Variants in TTC21B observed in about 807,000 individuals in gnomAD.
The protein encoded by TTC21B is tetratricopeptide repeat protein 21B.
A neutral mutation model predicts 175.1 loss-of-function variants in TTC21B; 127 were observed. The observed-to-expected ratio is 0.73, with a 90% confidence interval of 0.63 to 0.84. TTC21B has a LOEUF of 0.84. Among genes scored for constraint, TTC21B ranks in the 40% least tolerant of loss-of-function variants. TTC21B has a pLI of 0.00. For missense variants in TTC21B, 1,561 were observed against 1,558.3 expected, an observed-to-expected ratio of 1.00 and a Z score of -0.03; for synonymous variants, 524 against 524.5, an observed-to-expected ratio of 1.00 and a Z score of 0.01.
rs755805540 is a variant in TTC21B at position 165,917,385 on chromosome 2, T to G, written c.1771A>C (p.Ser591Arg). Reference sequence around the variant, plus strand: ...CCAATTCTTTTCATTCCTGGTAAACTCATTGCCATATGCAGTGTTTTAATT... The same window carrying G: ...CCAATTCTTTTCATTCCTGGTAAACGCATTGCCATATGCAGTGTTTTAATT... The part of the protein sequence containing the change: ...DAIKTLHMAM[S>R]LPGMKRIGAS... Residue 591 changes from serine to arginine, a missense_variant, in exon 14 of 29, where the codon AGT becomes CGT. Transcript: ENST00000243344. 6.2e-7 allele frequency: 1 copy of G among 1,614,192 alleles called. No individual in the cohort carries two copies. The highest frequency in any genetic ancestry group is 8.5e-7 in the Non-Finnish European group (1 of 1,180,024).
Position 165,949,427 on chromosome 2 carries a change from G to A in TTC21B, c.229C>T (p.Leu77=). The part of the protein sequence containing the change: ...QDVSLCSLLA[L]IYAHKMSPNP... ...GGACTCATTTTATGGGCATATATCAGTGCAAGTAGAGAACAAAGTGATACA... is the reference window on the plus strand; with the variant it reads ...GGACTCATTTTATGGGCATATATCAATGCAAGTAGAGAACAAAGTGATACA... Residue 77 remains leucine, a synonymous_variant, in exon 3 of 29, where the codon CTG becomes TTG. Transcript: ENST00000243344. 2 of 1,613,544 alleles carry A rather than the reference G, an allele frequency of 1.2e-6. No homozygotes were observed. The highest frequency in any genetic ancestry group is 4.5e-5 in the East Asian group (2 of 44,796).
Position 165,901,916 on chromosome 2 carries a change from A to G in TTC21B, c.2569-6T>C, listed in dbSNP as rs761010837. On this transcript the variant is annotated splice_region_variant and splice_polypyrimidine_tract_variant and intron_variant, in intron 19 of 28. Transcript: ENST00000243344. The stretch of plus-strand genomic sequence containing the variant: ...CGAGCTTGTAATTCTCGAGCCTAGA[A>G]AAAATCAGTATAAAAGGGAATAAAA... 6 of 1,613,220 alleles carry G rather than the reference A, an allele frequency of 3.7e-6. No individual in the cohort carries two copies. The highest frequency in any genetic ancestry group is 1.7e-4 in the Middle Eastern group (1 of 6,060).
intron 13 of TTC21B, among the ~76,000 whole-genome samples, chr2:165,917,854 A>C (rs1443280956): frequency 1.3e-5 from 2 of 152,222 alleles, no homozygotes; most frequent in Non-Finnish European, 2.9e-5. Context: ...AGATTTCTAG[A>C]AACACTGTTT....
At chr2:165,953,613 C>T (rs1202035807) in intron 1 of TTC21B, 72 bp downstream of exon 1, 2 of 1,532,978 alleles carry the variant, frequency 1.3e-6, no homozygotes, top group South Asian at 1.2e-5. Context: ...CCCTCCGCGC[C>T]CCCGGGCCAA....
chr2:165,886,328 C>T (rs1559039509), intron 25 of TTC21B, among the ~76,000 whole-genome samples: 1 of 152,098 alleles, frequency 6.6e-6, no homozygotes, highest in Non-Finnish European at 1.5e-5. Context: ...ACACATTTTG[C>T]TTTGTATTAA....
intron 12 of TTC21B, among the ~76,000 whole-genome samples, chr2:165,923,097 G>A (rs1686477025): frequency 6.6e-6 from 1 of 152,128 alleles, no homozygotes; most frequent in African/African-American, 2.4e-5. Context: ...GGGAGGATGG[G>A]AAGAGGGTGT....
chr2:165,932,120 A>G (rs1272210237), intron 7 of TTC21B, among the ~76,000 whole-genome samples: 5 of 152,192 alleles, frequency 3.3e-5, no homozygotes, highest in African/African-American at 9.6e-5. Context: ...GAAGACACCC[A>G]TAATATTCCA....
rs932015404 is a variant in TTC21B at position 165,890,543 on chromosome 2, A to T, written c.3199T>A (p.Cys1067Ser). 5.6e-6 allele frequency: 9 copies of T among 1,613,748 alleles called. No homozygotes were observed. The highest frequency in any genetic ancestry group is 6.8e-6 in the Non-Finnish European group (8 of 1,179,768). The change falls in exon 24 of 29, where the codon TGT (cysteine) becomes AGT (serine). Residue 1067 changes from cysteine to serine, a missense_variant. Transcript: ENST00000243344. ...ACAGTTTCATTATCTGGATTCAAAC[A>T]GATCTCTATCATATTATAAAGGGCA... ...QNALYNMIEICLNPDNETVGG... is the reference protein window; with the variant it reads ...QNALYNMIEISLNPDNETVGG...
intron 19 of TTC21B, among the ~76,000 whole-genome samples, chr2:165,903,821 A>G (rs1574084849): frequency 6.6e-6 from 1 of 152,248 alleles, no homozygotes; most frequent in Non-Finnish European, 1.5e-5. Flanking sequence ...GTTGCTGAAT[A>G]AATGAACAGA....
At chr2:165,886,598 T>G (rs972437911) in intron 25 of TTC21B, among the ~76,000 whole-genome samples, 5 of 152,256 alleles carry the variant, frequency 3.3e-5, no homozygotes, top group East Asian at 1.9e-4. Context: ...AAGATAGTAT[T>G]TTACTAACCA....
At chr2:165,951,065 G>A (rs781734191) in intron 1 of TTC21B, among the ~76,000 whole-genome samples, 1 of 152,114 alleles carries the variant, frequency 6.6e-6, no homozygotes, top group Non-Finnish European at 1.5e-5. Flanking sequence ...TTAAAAGTGT[G>A]CTCCATACCC....
At chr2:165,903,701 T>G (rs1685640143) in intron 19 of TTC21B, among the ~76,000 whole-genome samples, 1 of 152,210 alleles carries the variant, frequency 6.6e-6, no homozygotes, top group Admixed American at 6.5e-5. Context: ...GACTTGAGAT[T>G]TCCCTAAATT....
chr2:165,951,715 T>C (rs1489457645), intron 1 of TTC21B, among the ~76,000 whole-genome samples: 1 of 152,192 alleles, frequency 6.6e-6, no homozygotes, highest in Non-Finnish European at 1.5e-5. Context: ...CTAGCTACTA[T>C]GAATAGAAAA....
intron 12 of TTC21B, among the ~76,000 whole-genome samples, chr2:165,923,753 T>TTG: frequency 6.7e-6 from 1 of 148,452 alleles, no homozygotes; most frequent in African/African-American, 2.5e-5. Context: ...GTTTTTTTTT[T>TTG]TTTTTTTTTT....
chr2:165,887,237 T>A (rs537580157), intron 25 of TTC21B, among the ~76,000 whole-genome samples: 24 of 152,302 alleles, frequency 1.6e-4, no homozygotes, highest in African/African-American at 5.8e-4. Flanking sequence ...CTGTATGTTC[T>A]CTGAGACACA....
In TTC21B at chr2:165,919,522, G is replaced by A. The variant is rs1018445385; in HGVS notation, c.1517-89C>T. ...AGAGGAAGAAGAGTGTTTAGTTTAC[G>A]GATAGCCCTAGTGTTTGTAAACTTA... On this transcript the variant is annotated intron_variant, in intron 12 of 28. Transcript: ENST00000243344. The A allele has an allele frequency of 3.7e-5, 52 of 1,409,226 alleles. No homozygotes were observed. In the African/African-American group the frequency reaches 6.7e-4, roughly 18 times the overall value. The allele number at this position is 1,409,226 out of a possible 1,614,324, so 87.3% of individuals were successfully genotyped here.
chr2:165,879,118 G>T lies in TTC21B; in HGVS notation c.3805+1561C>A, dbSNP rs544003982. On this transcript the variant is annotated intron_variant, in intron 27 of 28. Transcript: ENST00000243344. ...AGGAATTAATGGAGAGCCTTAGAAA[G>T]AAATGATTACCAAAGCAAAGCTAGA... Among the ~76,000 whole-genome samples, 4 of 152,230 alleles carry T rather than the reference G, an allele frequency of 2.6e-5. No individual in the cohort carries two copies. The South Asian group carries it at 8.3e-4, about 32-fold the overall frequency.
chr2:165,924,119 C>T (rs574447937), intron 12 of TTC21B, among the ~76,000 whole-genome samples: 6 of 152,132 alleles, frequency 3.9e-5, no homozygotes, highest in African/African-American at 1.2e-4. Context: ...AGGTTATAAA[C>T]GGATTGTTTT....
At position 165,903,301 on chromosome 2, in the gene TTC21B, T is replaced by C. The variant is rs563014535; in HGVS notation, c.2569-1391A>G. On this transcript the variant is annotated intron_variant, in intron 19 of 28. Transcript: ENST00000243344. ...TGGGATGAAGAGATGGAATGGCTCATAGGCATTAGGAATCACATGTGAAGG... is the reference window on the plus strand; with the variant it reads ...TGGGATGAAGAGATGGAATGGCTCACAGGCATTAGGAATCACATGTGAAGG... Among the ~76,000 whole-genome samples the C allele has an allele frequency of 8.8e-4, 134 of 152,276 alleles. 2 individuals are homozygous for C. In the South Asian group the frequency reaches 0.027, roughly 31 times the overall value.
Sources: gnomAD v4.1 joint callset for allele counts (sites outside exome capture counted in the v4.1 genomes callset) on GRCh38, gnomAD v4.1.1 for gene constraint, MANE v1.5 for transcripts, NCBI Gene and HGNC (gene_info 2026-07-23, HGNC 2026-07-21) for gene names.